PHACTR2: variants seen among roughly 807,000 people sequenced by gnomAD.
The protein encoded by PHACTR2 is phosphatase and actin regulator 2, also known as chromosome 6 open reading frame 56.
A neutral mutation model predicts 76.0 loss-of-function variants in PHACTR2; 30 were observed. That is an observed-to-expected ratio of 0.39 (90% CI 0.30 to 0.54). PHACTR2 has a LOEUF of 0.54. Among genes scored for constraint, PHACTR2 ranks in the 20% least tolerant of loss-of-function variants. The probability of loss-of-function intolerance (pLI) is 0.61; values close to 1 mark genes in which losing one functional copy is unlikely to be tolerated. For synonymous variants in PHACTR2, 292 were observed against 292.5 expected (o/e 1.00, Z 0.02); for missense variants, 696 against 781.1 (o/e 0.89, Z 1.30).
chr6:143,593,958 C>A lies in PHACTR2; in HGVS notation c.217+56751C>A, dbSNP rs559520844. Among the ~76,000 whole-genome samples the A allele has an allele frequency of 2.0e-5, 3 of 152,258 alleles. No homozygotes were observed. The East Asian group carries it at 5.8e-4, about 29-fold the overall frequency. ...CTGTGGATGTAAGGCTGTAAACTAG[C>A]CCTAGTTTTTTAAAAGAATATTCCA... is the stretch of plus-strand genomic sequence containing the variant. On this transcript the variant is annotated intron_variant, in intron 1 of 11. Coordinates refer to the PHACTR2 transcript ENST00000367584.
rs1775068980 is a variant in PHACTR2, at chr6:143,549,874, C to T, written c.217+12667C>T. On this transcript the variant is annotated intron_variant, in intron 1 of 11. Coordinates refer to the PHACTR2 transcript ENST00000367584. The surrounding 1 kb of genome is among the most constrained non-coding windows in gnomAD (Gnocchi z 4.2). ...CCGGTCCCTGGCCTCAACAAGCAAG[C>T]TCTTAATCCTAGGTTGTGGTTTTCA... 6.6e-6 allele frequency among the ~76,000 whole-genome samples: 1 copy of T among 151,976 alleles called. No homozygotes were observed. Among genetic ancestry groups the T allele is most frequent in the African/African-American group, 2.4e-5 (1 of 41,414 alleles).
chr6:143,805,200 C>A (rs1434460771), intron 11 of PHACTR2, among the ~76,000 whole-genome samples: 2 of 152,156 alleles, frequency 1.3e-5, no homozygotes, highest in African/African-American at 4.8e-5. Flanking sequence ...CTCCTTTCGG[C>A]CGGGCACGGT....
chr6:143,677,949 T>A, upstream of PHACTR2: 3 of 1,187,550 alleles, frequency 2.5e-6, no homozygotes, highest in Admixed American at 4.2e-5. Context: ...CTAATCTGCA[T>A]AGAGGAATGA....
At position 143,583,133 on chromosome 6, in the gene PHACTR2, C is replaced by T. The variant is rs182869066; in HGVS notation, c.217+45926C>T. Among the ~76,000 whole-genome samples, 44 of 152,240 alleles carry T rather than the reference C, an allele frequency of 2.9e-4. No individual in the cohort carries two copies. Among genetic ancestry groups the T allele is most frequent in the African/African-American group, 9.6e-4 (40 of 41,518 alleles). On this transcript the variant is annotated intron_variant, in intron 1 of 11. Coordinates refer to the PHACTR2 transcript ENST00000367584. The surrounding 1 kb of genome is among the most constrained non-coding windows in gnomAD (Gnocchi z 4.0). ...CTTGTCTTTGAATATAATGATGGGG[C>T]GACCATTCTTGCCATAATAGCCAGG...
chr6:143,593,482 T>C lies in PHACTR2; in HGVS notation c.217+56275T>C, dbSNP rs570673861. Among the ~76,000 whole-genome samples, 20 of 152,334 alleles carry C rather than the reference T, an allele frequency of 1.3e-4. No homozygotes were observed. The South Asian group carries it at 3.5e-3, about 27-fold the overall frequency. On this transcript the variant is annotated intron_variant, in intron 1 of 11. Coordinates refer to the PHACTR2 transcript ENST00000367584. ...ACAGAAGAGACTCTTAGTTCAGCAG[T>C]AACAGCACAGCAAGTTTATTTTGGG...
chr6:143,816,809 TA>T lies in PHACTR2; in HGVS notation c.1923-6863del, dbSNP rs1303614029. Among the ~76,000 whole-genome samples, 1 of 152,250 alleles carries T rather than the reference TA, an allele frequency of 6.6e-6. No homozygotes were observed. The highest frequency in any genetic ancestry group is 2.4e-5 in the African/African-American group (1 of 41,468). ...GGCTGGGTGCGGTGGCTCATGCCTG[TA>T]ATCCCAGCACTTTGGGAGGCTGAGG... is the stretch of plus-strand genomic sequence containing the variant. On this transcript the variant is annotated intron_variant, in intron 12 of 12. Transcript: ENST00000440869. The surrounding 1 kb of genome is among the most constrained non-coding windows in gnomAD (Gnocchi z 4.5).
At position 143,777,428 on chromosome 6, in the gene PHACTR2, C is replaced by T. The variant is rs766536115; in HGVS notation, c.1645+45C>T. On this transcript the variant is annotated intron_variant, in intron 9 of 12. Transcript: ENST00000440869. This position sits in a 1 kb window ranked among gnomAD's most constrained non-coding sequence, Gnocchi z 4.6. ...GAATGATTCCTTGTGTAATCGCTAA[C>T]AAGCTGCCTCTACAGATGATCGATT... The T allele has an allele frequency of 4.0e-6, 4 of 1,002,446 alleles. No homozygotes were observed. In the African/African-American group the frequency reaches 4.9e-5, roughly 12 times the overall value. 62.1% of individuals were successfully genotyped at this position (1,002,446 alleles called of 1,614,324 possible).
intron 1 of PHACTR2, among the ~76,000 whole-genome samples, chr6:143,691,070 A>T (rs1411740785): frequency 2.0e-5 from 3 of 152,216 alleles, no homozygotes; most frequent in African/African-American, 7.2e-5. Context: ...GCAAAATCAA[A>T]GTCTTTTGGA....
intron 1 of PHACTR2, among the ~76,000 whole-genome samples, chr6:143,636,116 G>A (rs532768586): frequency 2.2e-5 from 1 of 44,790 alleles, no homozygotes; most frequent in South Asian, 6.3e-4. Context: ...TCAGGAGGCT[G>A]AGGCAGGAGA....
At chr6:143,575,380 A>G (rs1775494050) in intron 1 of PHACTR2, among the ~76,000 whole-genome samples, 1 of 152,238 alleles carries the variant, frequency 6.6e-6, no homozygotes, top group Non-Finnish European at 1.5e-5. Flanking sequence ...TTTCTAGCAC[A>G]CCTGGAAATG....
chr6:143,586,009 GAGA>G (rs1042959965), intron 1 of PHACTR2, among the ~76,000 whole-genome samples: 18 of 152,182 alleles, frequency 1.2e-4, no homozygotes, highest in African/African-American at 4.1e-4. Flanking sequence ...TTAAATGGAA[GAGA>G]AGTTTTTATC....
chr6:143,613,470 AT>A (rs1776012663), intron 1 of PHACTR2, among the ~76,000 whole-genome samples: 1 of 152,322 alleles, frequency 6.6e-6, no homozygotes, highest in South Asian at 2.1e-4. Context: ...TTTTACTCTA[AT>A]AGTGTAGTGA....
At chr6:143,704,111 G>GTGTGTGTGTGTA (rs1777986534) in intron 1 of PHACTR2, among the ~76,000 whole-genome samples, 2 of 36,190 alleles carry the variant, frequency 5.5e-5, no homozygotes, top group African/African-American at 3.5e-4. Flanking sequence ...GTGTGTGTGT[G>GTGTGTGTGTGTA]TGTGTGTGTG....
intron 6 of PHACTR2, among the ~76,000 whole-genome samples, chr6:143,771,994 GA>G (rs984069787): frequency 6.6e-6 from 1 of 152,102 alleles, no homozygotes. Context: ...ACACTTGAAG[GA>G]AAAAATAATT....
chr6:143,711,149 TTTC>T, intron 1 of PHACTR2: 1 of 417,956 alleles, frequency 2.4e-6, no homozygotes, highest in Non-Finnish European at 4.7e-6. Flanking sequence ...TTCCCTCAAG[TTTC>T]TTCTCAGGTT....
intron 12 of PHACTR2, among the ~76,000 whole-genome samples, chr6:143,815,690 C>T (rs1451048760): frequency 6.6e-6 from 1 of 151,932 alleles, no homozygotes; most frequent in Middle Eastern, 3.2e-3. Flanking sequence ...GTCAGGGGTT[C>T]AAGACCAGCC....
Position 143,760,233 on chromosome 6 carries a change from T to C in PHACTR2, c.455-168T>C, listed in dbSNP as rs961709098. On this transcript the variant is annotated intron_variant, in intron 4 of 12. Transcript: ENST00000440869. The surrounding 1 kb of genome is among the most constrained non-coding windows in gnomAD (Gnocchi z 6.4). ...CTGAGAACACTTCTCAGTTTGTCTT[T>C]CAGCCTTTGTTTTCACCCTAAACTG... Among the ~76,000 whole-genome samples, 11 of 152,300 alleles carry C rather than the reference T, an allele frequency of 7.2e-5. No individual in the cohort carries two copies. The highest frequency in any genetic ancestry group is 1.9e-4 in the African/African-American group (8 of 41,566).
chr6:143,742,204 A>G lies in PHACTR2; in HGVS notation c.215-6781A>G, dbSNP rs763633908. On this transcript the variant is annotated intron_variant, in intron 2 of 12. Transcript: ENST00000440869. This position sits in a 1 kb window ranked among gnomAD's most constrained non-coding sequence, Gnocchi z 4.5. ...ACAAACTTAATGAAAGAGAGAACTC[A>G]TTGGCTCATGTAACTGAAAAATCCA... is the stretch of plus-strand genomic sequence containing the variant. Among the ~76,000 whole-genome samples, 1 of 152,122 alleles carries G rather than the reference A, an allele frequency of 6.6e-6. No homozygotes were observed. Among genetic ancestry groups the G allele is most frequent in the Non-Finnish European group, 1.5e-5 (1 of 68,028 alleles).
chr6:143,763,327 C>T (rs1180036220), intron 5 of PHACTR2, among the ~76,000 whole-genome samples: 6 of 151,874 alleles, frequency 4.0e-5, no homozygotes, highest in Non-Finnish European at 8.8e-5. Context: ...CCACTGCACT[C>T]CAGTCTGGGT....
Sources: gnomAD v4.1 joint callset for allele counts (sites outside exome capture counted in the v4.1 genomes callset) on GRCh38, gnomAD v4.1.1 for gene constraint, Gnocchi (gnomAD v3.1) non-coding constraint, MANE v1.5 for transcripts, NCBI Gene and HGNC (gene_info 2026-07-23, HGNC 2026-07-21) for gene names.